NRG3: variants seen among roughly 807,000 people sequenced by gnomAD.
NRG3 encodes pro-neuregulin-3, membrane-bound isoform.
NRG3 carries 31 observed loss-of-function variants against 66.9 expected under a neutral mutation model. That is an observed-to-expected ratio of 0.46 (90% CI 0.35 to 0.63). The LOEUF is 0.63. Among genes scored for constraint, NRG3 ranks in the 20% least tolerant of loss-of-function variants. NRG3 has a pLI of 0.00. For missense variants in NRG3, 910 were observed against 878.9 expected (o/e 1.04, Z -0.45); for synonymous variants, 393 against 359.4 (o/e 1.09, Z -1.06).
chr10:82,758,255 A>G (rs2059158454), intron 3 of NRG3, among the ~76,000 whole-genome samples: 1 of 152,110 alleles, frequency 6.6e-6, no homozygotes, highest in Admixed American at 6.6e-5. Flanking sequence ...CCTGGATGAC[A>G]CTTTCAGATG....
chr10:82,509,058 C>T (rs1014593991), intron 2 of NRG3, among the ~76,000 whole-genome samples: 6 of 152,130 alleles, frequency 3.9e-5, no homozygotes, highest in African/African-American at 1.4e-4. Flanking sequence ...ATTACTATCA[C>T]AGAGTTTTCC....
chr10:82,003,481 G>A (rs2061252205), intron 1 of NRG3, among the ~76,000 whole-genome samples: 1 of 152,178 alleles, frequency 6.6e-6, no homozygotes, highest in South Asian at 2.1e-4. Flanking sequence ...AGTAAAGAAA[G>A]AGAAGGTAGG....
intron 1 of NRG3, among the ~76,000 whole-genome samples, chr10:81,992,631 A>T (rs1222512879): frequency 6.6e-6 from 1 of 152,166 alleles, no homozygotes; most frequent in Non-Finnish European, 1.5e-5. Context: ...CTTTTCTAAC[A>T]CTGTGGATGA....
chr10:82,728,139 T>C (rs1402590324), intron 2 of NRG3, among the ~76,000 whole-genome samples: 1 of 152,264 alleles, frequency 6.6e-6, no homozygotes, highest in East Asian at 1.9e-4. Flanking sequence ...AGATGAGACG[T>C]TGGACTGTGG....
At chr10:82,290,759 G>T (rs1037228294) in intron 1 of NRG3, among the ~76,000 whole-genome samples, 11 of 150,790 alleles carry the variant, frequency 7.3e-5, no homozygotes, top group African/African-American at 2.7e-4. Context: ...TCAGCCTCCC[G>T]AGTAGCTGGG....
At chr10:82,048,051 A>G in intron 1 of NRG3, among the ~76,000 whole-genome samples, 1 of 150,904 alleles carries the variant, frequency 6.6e-6, no homozygotes, top group East Asian at 1.9e-4. Flanking sequence ...AGAGCTAACT[A>G]TCCTGAATAT....
At chr10:82,164,210 C>T (rs924183633) in intron 1 of NRG3, among the ~76,000 whole-genome samples, 2 of 151,924 alleles carry the variant, frequency 1.3e-5, no homozygotes, top group African/African-American at 2.4e-5. Context: ...AGCCACAGCA[C>T]CTGGCAAAAT....
intron 2 of NRG3, among the ~76,000 whole-genome samples, chr10:82,451,859 A>G (rs2091031420): frequency 6.6e-6 from 1 of 152,220 alleles, no homozygotes; most frequent in African/African-American, 2.4e-5. Context: ...ATGATACTGT[A>G]GACCTACTTG....
chr10:82,545,672 T>C (rs1483771240), intron 2 of NRG3, among the ~76,000 whole-genome samples: 2 of 146,986 alleles, frequency 1.4e-5, no homozygotes, highest in Non-Finnish European at 3.0e-5. Flanking sequence ...TGAGCCACCG[T>C]GCCCAGCCGC....
At chr10:82,576,330 C>T (rs1167506463) in intron 2 of NRG3, among the ~76,000 whole-genome samples, 1 of 151,452 alleles carries the variant, frequency 6.6e-6, no homozygotes, top group Non-Finnish European at 1.5e-5. Flanking sequence ...CCATGTACTT[C>T]TTTTCCCTTA....
chr10:82,348,004 G>T (rs1825142610), intron 1 of NRG3, among the ~76,000 whole-genome samples: 1 of 151,860 alleles, frequency 6.6e-6, no homozygotes, highest in Non-Finnish European at 1.5e-5. Context: ...ACACTGATGG[G>T]TCTTGACTCT....
At chr10:82,512,522 C>T (rs1219060631) in intron 2 of NRG3, among the ~76,000 whole-genome samples, 1 of 152,006 alleles carries the variant, frequency 6.6e-6, no homozygotes, top group East Asian at 1.9e-4. Context: ...CTGGCCTTGG[C>T]CTCCCAAAGT....
rs190970135 is a variant in NRG3 at position 82,021,459 on chromosome 10, A to G, written c.823+145296A>G. Among the ~76,000 whole-genome samples the G allele has an allele frequency of 2.3e-3, 356 of 152,242 alleles. 1 individual carries two copies. The highest frequency in any genetic ancestry group is 3.6e-3 in the Admixed American group (55 of 15,278). On this transcript the variant is annotated intron_variant, in intron 1 of 8. Coordinates refer to ENST00000372141, the MANE Select transcript of NRG3 (RefSeq NM_001010848.4). ...GAAATCAAGTAGAGAGCTGGTTACC[A>G]TCTTAGCAATTAACAGAAGTTAGAC...
rs141499151 is a variant in NRG3 at position 82,748,034 on chromosome 10, G to A, written c.1027+9384G>A. ...ATTCAATAGTCTGACATTTCTTGAT[G>A]ATTTATAAATATAAATTAATTATAT... On this transcript the variant is annotated intron_variant, in intron 3 of 8. Coordinates refer to ENST00000372141, the MANE Select transcript of NRG3 (RefSeq NM_001010848.4). Among the ~76,000 whole-genome samples the A allele has an allele frequency of 3.1e-3, 470 of 150,954 alleles. 1 individual carries two copies. Among genetic ancestry groups the A allele is most frequent in the African/African-American group, 0.011 (450 of 41,340 alleles).
At chr10:82,195,666 C>T (rs1336290) in intron 1 of NRG3, among the ~76,000 whole-genome samples, 75,244 of 151,874 alleles carry the variant, frequency 0.5, 20,647 homozygotes, top group Middle Eastern at 0.66. Context: ...TTTGACATGG[C>T]AAGAGGGAAT....
intron 2 of NRG3, among the ~76,000 whole-genome samples, chr10:82,680,986 T>G (rs560292545): frequency 6.6e-6 from 1 of 152,354 alleles, no homozygotes; most frequent in African/African-American, 2.4e-5. Context: ...TACTTCTTTC[T>G]AAACAACTCA....
At chr10:82,203,409 T>C (rs2133523378) in intron 1 of NRG3, among the ~76,000 whole-genome samples, 1 of 152,232 alleles carries the variant, frequency 6.6e-6, no homozygotes, top group South Asian at 2.1e-4. Context: ...TAGTGAATAT[T>C]TAAAAATAAA....
intron 6 of NRG3, among the ~76,000 whole-genome samples, chr10:82,962,567 A>G (rs1470056433): frequency 2.0e-5 from 3 of 152,152 alleles, no homozygotes; most frequent in African/African-American, 7.2e-5. Context: ...GGCCAGGCGC[A>G]GTGGCTCACG....
intron 2 of NRG3, among the ~76,000 whole-genome samples, chr10:82,420,013 T>G (rs1176835632): frequency 1.3e-5 from 2 of 152,128 alleles, no homozygotes; most frequent in African/African-American, 2.4e-5. Context: ...AAGGACTCAG[T>G]CTCTCTACAT....
Sources: gnomAD v4.1 joint callset for allele counts (sites outside exome capture counted in the v4.1 genomes callset) on GRCh38, gnomAD v4.1.1 for gene constraint, MANE v1.5 for transcripts, NCBI Gene and HGNC (gene_info 2026-07-23, HGNC 2026-07-21) for gene names.